CMTM8: variants seen among roughly 807,000 people sequenced by gnomAD.
CMTM8 encodes the protein CKLF like MARVEL transmembrane domain containing 8.
In CMTM8, 12 loss-of-function variants were observed where a neutral mutation model predicts 18.6. The observed-to-expected ratio is 0.65, with a 90% confidence interval of 0.41 to 1.05. The LOEUF (loss-of-function observed/expected upper bound fraction) is 1.05, where lower values mean the gene tolerates loss of function less well. CMTM8 is among the 50% of genes least tolerant of loss of function. The pLI is 0.00. For synonymous variants in CMTM8, 87 were observed against 90.6 expected (o/e 0.96, Z 0.23); for missense variants, 217 against 227.2 (o/e 0.95, Z 0.29).
chr3:32,348,529 C>CTTTTT (rs56252781), intron 1 of CMTM8, among the ~76,000 whole-genome samples: 6,553 of 101,810 alleles, frequency 0.064, 486 homozygotes, highest in Middle Eastern at 0.11. Flanking sequence ...CTTCCTGGAA[C>CTTTTT]TTTTTTTTTT....
chr3:32,329,294 G>T (rs1489605236), intron 1 of CMTM8, among the ~76,000 whole-genome samples: 2 of 152,166 alleles, frequency 1.3e-5, no homozygotes, highest in Admixed American at 1.3e-4. Flanking sequence ...TTGAACTCCT[G>T]ACCTCAAGTG....
At chr3:32,326,090 C>T (rs573567927) in intron 1 of CMTM8, among the ~76,000 whole-genome samples, 3 of 152,334 alleles carry the variant, frequency 2.0e-5, no homozygotes, top group African/African-American at 7.2e-5. Context: ...CAGAACCCAG[C>T]CTGGCAGGGC....
At chr3:32,300,223 A>G (rs1695588669) in intron 1 of CMTM8, among the ~76,000 whole-genome samples, 1 of 152,182 alleles carries the variant, frequency 6.6e-6, no homozygotes, top group African/African-American at 2.4e-5. Context: ...GAGCGGGGGA[A>G]CCCAGCAAGG....
intron 1 of CMTM8, among the ~76,000 whole-genome samples, chr3:32,349,950 G>A (rs1696673072): frequency 6.6e-6 from 1 of 152,192 alleles, no homozygotes; most frequent in South Asian, 2.1e-4. Context: ...GGAGGTTGCA[G>A]TGAGCCAAGA....
At chr3:32,321,353 G>A (rs950976557) in intron 1 of CMTM8, among the ~76,000 whole-genome samples, 2 of 152,102 alleles carry the variant, frequency 1.3e-5, no homozygotes, top group Non-Finnish European at 2.9e-5. Flanking sequence ...CACGTGCGAC[G>A]GGGGCTTGGG....
At chr3:32,262,099 C>G (rs1390350880) in intron 1 of CMTM8, among the ~76,000 whole-genome samples, 1 of 152,152 alleles carries the variant, frequency 6.6e-6, no homozygotes, top group Non-Finnish European at 1.5e-5. Flanking sequence ...AGGATCTACT[C>G]TCATGTCTGC....
intron 1 of CMTM8, chr3:32,260,017 C>G (rs2125536794): frequency 2.7e-6 from 3 of 1,129,996 alleles, no homozygotes; most frequent in South Asian, 2.6e-5. Flanking sequence ...AGCACCAGGC[C>G]CAGGAGTACA....
intron 1 of CMTM8, among the ~76,000 whole-genome samples, chr3:32,288,736 G>A (rs1023741329): frequency 2.0e-5 from 3 of 152,172 alleles, no homozygotes; most frequent in South Asian, 2.1e-4. Flanking sequence ...TCCTGACCTC[G>A]TGATATGCCC....
At chr3:32,359,212 C>T (rs4245888) in intron 2 of CMTM8, among the ~76,000 whole-genome samples, 138,338 of 152,272 alleles carry the variant, frequency 0.91, 63,487 homozygotes, top group South Asian at 0.97. Context: ...CACACGCCTA[C>T]GGCCCAGCCA....
intron 1 of CMTM8, among the ~76,000 whole-genome samples, chr3:32,245,452 A>G (rs1388874970): frequency 6.6e-6 from 1 of 152,210 alleles, no homozygotes; most frequent in Admixed American, 6.5e-5. Context: ...AAGTTTTATA[A>G]CAAGCTAGAA....
intron 1 of CMTM8, among the ~76,000 whole-genome samples, chr3:32,270,401 C>CT (rs1206678054): frequency 6.6e-6 from 1 of 152,208 alleles, no homozygotes; most frequent in African/African-American, 2.4e-5. Flanking sequence ...AATCATGCTA[C>CT]TATAAAGACA....
At chr3:32,273,278 T>C (rs1332696882) in intron 1 of CMTM8, among the ~76,000 whole-genome samples, 1 of 151,950 alleles carries the variant, frequency 6.6e-6, no homozygotes, top group Admixed American at 6.6e-5. Context: ...TTTTTAAACA[T>C]GTTGCTGAGC....
intron 1 of CMTM8, among the ~76,000 whole-genome samples, chr3:32,304,454 G>A (rs192405793): frequency 6.6e-6 from 1 of 152,338 alleles, no homozygotes; most frequent in African/African-American, 2.4e-5. Context: ...GCAGATCTTT[G>A]TAGAATCAAT....
intron 2 of CMTM8, among the ~76,000 whole-genome samples, chr3:32,359,609 C>G (rs911951505): frequency 6.6e-6 from 1 of 151,972 alleles, no homozygotes; most frequent in Non-Finnish European, 1.5e-5. Flanking sequence ...CAAAACAAAA[C>G]TAGTGATGGG....
chr3:32,259,985 G>A (rs557402183), intron 1 of CMTM8: 1 of 1,109,136 alleles, frequency 9.0e-7, no homozygotes, highest in Non-Finnish European at 1.3e-6. Flanking sequence ...GTCAGAGCTG[G>A]CACTGACCCA....
chr3:32,320,312 C>T (rs1161532861), intron 1 of CMTM8, among the ~76,000 whole-genome samples: 1 of 152,204 alleles, frequency 6.6e-6, no homozygotes, highest in Non-Finnish European at 1.5e-5. Context: ...GATCGAAGCA[C>T]TGTTACATGC....
At chr3:32,284,397 T>G (rs949526678) in intron 1 of CMTM8, among the ~76,000 whole-genome samples, 5 of 152,238 alleles carry the variant, frequency 3.3e-5, no homozygotes, top group African/African-American at 1.2e-4. Flanking sequence ...GGGAATCACA[T>G]GCAGCTGGAT....
chr3:32,357,477 C>A lies in CMTM8; in HGVS notation c.252C>A (p.Thr84=). ...MFVAVFYWVL[T]VFFLIIYITM... is the part of the protein sequence containing the mutation. Reference sequence around the variant, plus strand: ...TAGCTGTATTTTACTGGGTCCTCACCGTCTTCTTCCTCATTATCTACATAA... The same window carrying A: ...TAGCTGTATTTTACTGGGTCCTCACAGTCTTCTTCCTCATTATCTACATAA... The change falls in exon 2 of 4, where the codon ACC becomes ACA. Residue 84 remains threonine (T), a synonymous_variant. Coordinates refer to ENST00000307526, the MANE Select transcript of CMTM8 (RefSeq NM_178868.5). 6.2e-7 allele frequency: 1 copy of A among 1,614,008 alleles called. No individual in the cohort carries two copies. The highest frequency in any genetic ancestry group is 8.5e-7 in the Non-Finnish European group (1 of 1,180,010).
In CMTM8 at chr3:32,367,966, T is replaced by A; in HGVS notation, c.416T>A (p.Phe139Tyr). 6.2e-7 allele frequency: 1 copy of A among 1,613,840 alleles called. No homozygotes were observed. Among genetic ancestry groups the A allele is most frequent in the Non-Finnish European group, 8.5e-7 (1 of 1,179,692 alleles). Residue 139 changes from phenylalanine (F) to tyrosine (Y), a missense_variant, in exon 3 of 4, where the codon TTC (phenylalanine) becomes TAC (tyrosine). Transcript: ENST00000307526. The stretch of plus-strand genomic sequence containing the variant: ...TCCCCTGAGAGGGACAGTCACAACT[T>A]CAACAGCTGGGCGGCCTCATCGGTG... ...SVSPERDSHN[F>Y]NSWAASSFFA... is the part of the protein sequence containing the mutation.
Sources: allele counts gnomAD v4.1 joint callset (sites outside exome capture counted in the v4.1 genomes callset), GRCh38; gene constraint gnomAD v4.1.1; transcripts MANE v1.5; gene names NCBI Gene and HGNC (gene_info 2026-07-23, HGNC 2026-07-21).